MACF1: variants seen among roughly 807,000 people sequenced by gnomAD.
MACF1 encodes the protein microtubule-actin cross-linking factor 1.
A neutral mutation model predicts 854.8 loss-of-function variants in MACF1; 193 were observed. The observed-to-expected ratio is 0.23, with a 90% CI of 0.20 to 0.25. The LOEUF is 0.25. MACF1 is among the 10% of genes least tolerant of loss of function. MACF1 has a pLI of 1.00. For synonymous variants in MACF1, 3,185 were observed against 3,226.7 expected, an observed-to-expected ratio of 0.99 and a Z score of 0.44; for missense variants, 7,722 against 8,929.1, an observed-to-expected ratio of 0.86 and a Z score of 5.45.
chr1:39,128,089 G>A (rs533441865), intron 2 of MACF1, among the ~76,000 whole-genome samples: 2 of 152,226 alleles, frequency 1.3e-5, no homozygotes, highest in East Asian at 3.9e-4. Context: ...TTCTTGCCAG[G>A]CTTGCTTTGG....
At chr1:39,352,961 TTGAG>T (rs1467684397) in intron 43 of MACF1, 42 bp from the exon 44 acceptor site, 4 of 1,382,634 alleles carry the variant, frequency 2.9e-6, no homozygotes, top group South Asian at 1.2e-5. Flanking sequence ...GGTTGTATGA[TTGAG>T]TATGTAAAGC....
Position 39,285,102 on chromosome 1 carries a change from G to A in MACF1, c.1151G>A (p.Arg384Gln), listed in dbSNP as rs772003034. The change falls in exon 12 of 101, where the codon CGA (arginine) becomes CAA (glutamine). Residue 384 changes from arginine (R) to glutamine (Q), a missense_variant. This residue lies in a region of MACF1 where 97 missense variants were observed against 130.4 expected (regional missense o/e 0.74). Transcript: ENST00000564288. ...KLLEVWIEFG[R>Q]IKLPQGYHPN... ...TTTCAGGTGTGGATTGAATTTGGCC[G>A]AATTAAACTGCCTCAAGGTTATCAC... The A allele has an allele frequency of 5.0e-6, 8 of 1,614,152 alleles. No individual in the cohort carries two copies. Among genetic ancestry groups the A allele is most frequent in the East Asian group, 2.2e-5 (1 of 44,886 alleles).
At chr1:39,225,217 C>CTTTTTTCTTTT (rs1553171335) in intron 1 of MACF1, among the ~76,000 whole-genome samples, 1 of 125,198 alleles carries the variant, frequency 8.0e-6, no homozygotes, top group East Asian at 2.3e-4. Context: ...TTTCTTTTTT[C>CTTTTTTCTTTT]TTTTTTTTTT....
chr1:39,260,500 G>A (rs1040918693), intron 6 of MACF1: 1 of 152,174 alleles, frequency 6.6e-6, no homozygotes, highest in Non-Finnish European at 1.5e-5. Context: ...AAGTAGCTGG[G>A]ATTACAGGCG....
intron 2 of MACF1, among the ~76,000 whole-genome samples, chr1:39,127,861 A>G (rs1430321716): frequency 6.6e-6 from 1 of 152,072 alleles, no homozygotes; most frequent in African/African-American, 2.4e-5. Context: ...AAAAAAAAAA[A>G]TGTCCTAGTG....
chr1:39,103,073 A>T lies in MACF1; in HGVS notation c.220+18635A>T, dbSNP rs950999949. The T allele has an allele frequency of 6.2e-6, 4 of 650,404 alleles. No individual in the cohort carries two copies. The African/African-American group carries it at 7.2e-5, about 12-fold the overall frequency. The allele number at this position is 650,404 out of a possible 1,614,324, so 40.3% of individuals were successfully genotyped here. A position where few individuals can be genotyped will look rare whatever the true frequency, so the allele number is the denominator to read the frequency against. ...TAAATGCAAATTTTGTCAAGAAAGC[A>T]ATTTGAGTCTTAGAGAAGCTCTCTA... On this transcript the variant is annotated intron_variant, in intron 2 of 93. Transcript: ENST00000361689.
Position 39,333,846 on chromosome 1 carries a change from G to C in MACF1, c.7258G>C (p.Val2420Leu). ...TATTGATCTGAAACGAGGCAAAAAA[G>C]TTTCAGTAACTTTGGCCTCAACTCT... ...GIIDLKRGKK[V>L]SVTLASTLGL... is the part of the protein sequence containing the mutation. Residue 2420 changes from valine to leucine, a missense_variant, in exon 37 of 101, where the codon GTT becomes CTT. Coordinates refer to ENST00000564288, the MANE Select transcript of MACF1 (RefSeq NM_001394062.1). 6.2e-7 allele frequency: 1 copy of C among 1,614,176 alleles called. No individual in the cohort carries two copies. The highest frequency in any genetic ancestry group is 1.3e-5 in the African/African-American group (1 of 75,046).
At chr1:39,389,102 C>G (rs1569847074) in intron 58 of MACF1, among the ~76,000 whole-genome samples, 1 of 151,738 alleles carries the variant, frequency 6.6e-6, no homozygotes, top group Admixed American at 6.6e-5. Context: ...TCTCAAACTC[C>G]TGAGCTCAGG....
At chr1:39,411,474 C>G in intron 58 of MACF1, 1 of 1,613,632 alleles carries the variant, frequency 6.2e-7, no homozygotes, top group African/African-American at 1.3e-5. Context: ...CACAGCCAGC[C>G]AAGGACCAGT....
chr1:39,389,262 A>G (rs1641929451), intron 58 of MACF1, among the ~76,000 whole-genome samples: 1 of 151,824 alleles, frequency 6.6e-6, no homozygotes. Context: ...CTCTTACTCT[A>G]AGAATTTCCT....
rs886190610 is a variant in MACF1 at position 39,433,148 on chromosome 1, T to C, written c.17558T>C (p.Val5853Ala). The C allele has an allele frequency of 1.9e-5, 30 of 1,578,854 alleles. No homozygotes were observed. The highest frequency in any genetic ancestry group is 2.6e-5 in the Non-Finnish European group (30 of 1,151,370). The change falls in exon 68 of 101, where the codon GTA becomes GCA. Residue 5853 changes from valine to alanine, a missense_variant. Val to Ala is a moderately conservative substitution (Grantham distance 64, BLOSUM62 0). Transcript: ENST00000564288. ...ACATGTGGGGAGGAGCAAAAAACTGTATTACAGGTGAATTACATTTATTTA... is the reference window on the plus strand; with the variant it reads ...ACATGTGGGGAGGAGCAAAAAACTGCATTACAGGTGAATTACATTTATTTA... Reference protein sequence around the residue: ...FGTCGEEQKTVLQEKTESLIQ... With the variant: ...FGTCGEEQKTALQEKTESLIQ...
rs772113531 is a variant in MACF1, at chr1:39,368,149, A to G, written c.12773A>G (p.Glu4258Gly). ...TACATTTCCTTGTTTGCTTGACAGG[A>G]GCTCAATTTGGAAATGGAAGACCAA... ...DITHFFQQIQ[E>G]LNLEMEDQQE... The change falls in exon 50 of 101, where the codon GAG (glutamate) becomes GGG (glycine). Residue 4258 changes from glutamate to glycine, a missense_variant and splice_region_variant. This residue lies in a region of MACF1 where 2,807 missense variants were observed against 3,235.8 expected (regional missense o/e 0.87). Coordinates refer to ENST00000564288, the MANE Select transcript of MACF1 (RefSeq NM_001394062.1). 8 of 1,613,658 alleles carry G rather than the reference A, an allele frequency of 5.0e-6. No individual in the cohort carries two copies. Among genetic ancestry groups the G allele is most frequent in the Non-Finnish European group, 6.8e-6 (8 of 1,179,704 alleles).
chr1:39,382,572 C>T (rs1269873913), intron 56 of MACF1, among the ~76,000 whole-genome samples: 3 of 151,412 alleles, frequency 2.0e-5, no homozygotes, highest in African/African-American at 7.3e-5. Flanking sequence ...GGCGTGGTGG[C>T]ATGTGCCTGA....
intron 62 of MACF1, 110 bp from the exon 63 acceptor site, chr1:39,427,851 G>T (rs770117348): frequency 4.0e-6 from 4 of 1,005,702 alleles, no homozygotes; most frequent in South Asian, 1.9e-5. Flanking sequence ...CCTTTCAGTC[G>T]GTGAGTTTTT....
intron 58 of MACF1, among the ~76,000 whole-genome samples, chr1:39,404,077 G>A (rs977865053): frequency 2.0e-5 from 3 of 151,694 alleles, no homozygotes; most frequent in African/African-American, 4.8e-5. Flanking sequence ...TGCAATGAGC[G>A]AGATCGTGCC....
chr1:39,358,908 GA>G (rs1000254059), intron 46 of MACF1, 35 bp downstream of exon 46: 3 of 1,571,616 alleles, frequency 1.9e-6, no homozygotes, highest in African/African-American at 2.8e-5. Flanking sequence ...GTGGTGTCAA[GA>G]CCTTGTATTC....
chr1:39,293,648 A>C, intron 18 of MACF1, 29 bp downstream of exon 18: 1 of 1,593,720 alleles, frequency 6.3e-7, no homozygotes, highest in Admixed American at 1.7e-5. Context: ...CAGGCCTGTC[A>C]TACTTATTTA....
intron 6 of MACF1, among the ~76,000 whole-genome samples, chr1:39,267,001 CTT>C (rs1451424196): frequency 6.6e-6 from 1 of 152,182 alleles, no homozygotes; most frequent in Non-Finnish European, 1.5e-5. Flanking sequence ...AGTGTTATCT[CTT>C]TGATTGAGCT....
At chr1:39,257,629 T>C in intron 5 of MACF1, 1 of 272,202 alleles carries the variant, frequency 3.7e-6, no homozygotes, top group Non-Finnish European at 6.9e-6. Flanking sequence ...GCATGCTGCA[T>C]GATCCCATTT....
Sources: allele counts gnomAD v4.1 joint callset (sites outside exome capture counted in the v4.1 genomes callset), GRCh38; gene constraint gnomAD v4.1.1; regional missense constraint gnomAD v4.1.1; transcripts MANE v1.5; gene names NCBI Gene and HGNC (gene_info 2026-07-23, HGNC 2026-07-21).